The following PEX5L variants were observed in gnomAD, a reference collection of about 807,000 sequenced individuals.
PEX5L encodes the protein PEX5-related protein.
Under a neutral mutation model 84.0 loss-of-function variants are expected in PEX5L, and 30 were observed. The observed-to-expected ratio is 0.36, with a 90% CI of 0.27 to 0.48. The LOEUF is 0.48. Among genes scored for constraint, PEX5L ranks in the 20% least tolerant of loss-of-function variants. PEX5L has a pLI of 0.99. For synonymous variants in PEX5L, 270 were observed against 283.1 expected, an observed-to-expected ratio of 0.95 and a Z score of 0.46; for missense variants, 533 against 754.6, an observed-to-expected ratio of 0.71 and a Z score of 3.44.
intron 2 of PEX5L, among the ~76,000 whole-genome samples, chr3:179,941,366 C>T (rs763621295): frequency 7.2e-5 from 11 of 152,260 alleles, no homozygotes; most frequent in African/African-American, 1.9e-4. Flanking sequence ...AAATTCTCTA[C>T]GAGGTACTTC....
rs1718185525 is a variant in PEX5L, at chr3:179,799,351, T to G, written c.*2477A>C. The G allele has an allele frequency of 6.6e-6, 1 of 152,216 alleles. No individual in the cohort carries two copies. The highest frequency in any genetic ancestry group is 6.5e-5 in the Admixed American group (1 of 15,278). 9.4% of individuals were successfully genotyped at this position (152,216 alleles called of 1,614,324 possible). ...TAAAAATCTTAGATCTGACAGATAC[T>G]ACATACACTAGAGAAAGTACTACTA... On this transcript the variant is annotated 3_prime_UTR_variant, in exon 15 of 15. Transcript: ENST00000467460.
At chr3:179,807,584 G>T in intron 14 of PEX5L, 90 bp downstream of exon 14, 1 of 1,240,112 alleles carries the variant, frequency 8.1e-7, no homozygotes, top group Non-Finnish European at 1.1e-6. Context: ...TCCTACCAAG[G>T]CAGGCATTTT....
At chr3:180,014,281 G>A (rs1789738176) in intron 1 of PEX5L, among the ~76,000 whole-genome samples, 1 of 152,012 alleles carries the variant, frequency 6.6e-6, no homozygotes, top group Non-Finnish European at 1.5e-5. Flanking sequence ...GACCATCCTG[G>A]CTAACACGGT....
At chr3:180,024,929 T>A (rs138752307) in intron 1 of PEX5L, among the ~76,000 whole-genome samples, 1 of 152,170 alleles carries the variant, frequency 6.6e-6, no homozygotes, top group Non-Finnish European at 1.5e-5. Flanking sequence ...TTTAGAGGAA[T>A]GGCTTCTAAT....
chr3:179,862,494 G>A (rs1465411936), intron 7 of PEX5L, among the ~76,000 whole-genome samples: 2 of 152,152 alleles, frequency 1.3e-5, no homozygotes, highest in Admixed American at 6.6e-5. Flanking sequence ...AAAGTTAGCC[G>A]ATCTTGTATC....
intron 7 of PEX5L, 132 bp from the exon 8 acceptor site, chr3:179,859,289 G>T: frequency 1.5e-6 from 1 of 683,138 alleles, no homozygotes; most frequent in Non-Finnish European, 2.5e-6. Flanking sequence ...GACATTTTTG[G>T]AGTACTGTGC....
At position 179,916,419 on chromosome 3, in the gene PEX5L, T is replaced by C. The variant is rs147358789; in HGVS notation, c.94-18173A>G. ...ATGTAGAAAATGTAGAGTAAAAATA[T>C]AATATAAAAAATAAAAAAATGGTAT... On this transcript the variant is annotated intron_variant, in intron 2 of 14. Transcript: ENST00000467460. Among the ~76,000 whole-genome samples, 158 of 152,226 alleles carry C rather than the reference T, an allele frequency of 1.0e-3. 1 individual carries two copies. Among genetic ancestry groups the C allele is most frequent in the African/African-American group, 3.7e-3 (152 of 41,534 alleles).
At chr3:179,986,592 C>G (rs934419190) in intron 1 of PEX5L, among the ~76,000 whole-genome samples, 1 of 151,714 alleles carries the variant, frequency 6.6e-6, no homozygotes, top group Non-Finnish European at 1.5e-5. Context: ...TTAGTAGAGA[C>G]GGGGTTTCAC....
At chr3:179,808,460 G>T in intron 12 of PEX5L, 23 bp from the exon 13 acceptor site, 1 of 1,394,290 alleles carries the variant, frequency 7.2e-7, no homozygotes, top group African/African-American at 1.5e-5. Context: ...AAAAAAATTA[G>T]ATTTGTAATC....
At chr3:179,998,244 C>T (rs1352465785) in intron 1 of PEX5L, among the ~76,000 whole-genome samples, 2 of 152,166 alleles carry the variant, frequency 1.3e-5, no homozygotes, top group Admixed American at 1.3e-4. Context: ...GCTTAGTGGG[C>T]CTATCTGGAT....
In PEX5L at chr3:179,799,555, C is replaced by T. The variant is rs1347303354; in HGVS notation, c.*2273G>A. 1 of 152,220 alleles carries T rather than the reference C, an allele frequency of 6.6e-6. No homozygotes were observed. The highest frequency in any genetic ancestry group is 1.5e-5 in the Non-Finnish European group (1 of 68,028). 9.4% of individuals were successfully genotyped at this position (152,220 alleles called of 1,614,324 possible). On this transcript the variant is annotated 3_prime_UTR_variant, in exon 15 of 15. Coordinates refer to ENST00000467460, the MANE Select transcript of PEX5L (RefSeq NM_016559.3). ...ACTAGTTTCAGGCTTTAAATCCAGGCTGCAGATTCAGCTGCTGCTCAAAGT... is the reference window on the plus strand; with the variant it reads ...ACTAGTTTCAGGCTTTAAATCCAGGTTGCAGATTCAGCTGCTGCTCAAAGT...
intron 1 of PEX5L, chr3:179,974,199 A>G (rs1193256240): frequency 3.0e-6 from 3 of 985,364 alleles, no homozygotes; most frequent in East Asian, 2.3e-4. Flanking sequence ...GTGGTCTTTC[A>G]CAGTAGCCAA....
intron 2 of PEX5L, among the ~76,000 whole-genome samples, chr3:179,932,826 TTA>T (rs1465357405): frequency 5.3e-5 from 8 of 152,208 alleles, no homozygotes; most frequent in African/African-American, 1.9e-4. Context: ...ATTAAGTTAG[TTA>T]ACATATGCAT....
chr3:179,853,268 G>A (rs1424647986), intron 8 of PEX5L, among the ~76,000 whole-genome samples: 1 of 152,234 alleles, frequency 6.6e-6, no homozygotes, highest in African/African-American at 2.4e-5. Flanking sequence ...GCTAAGGCAT[G>A]TCTGATGAAT....
chr3:179,850,583 T>C (rs1000699319), intron 8 of PEX5L, among the ~76,000 whole-genome samples: 4 of 152,214 alleles, frequency 2.6e-5, no homozygotes, highest in African/African-American at 9.6e-5. Context: ...AAAGGGAGTT[T>C]TGCCATTTTC....
chr3:179,911,817 T>C (rs1208628798), intron 2 of PEX5L, among the ~76,000 whole-genome samples: 1 of 152,150 alleles, frequency 6.6e-6, no homozygotes, highest in Non-Finnish European at 1.5e-5. Context: ...TTGACAAATA[T>C]AGAACCATGT....
intron 8 of PEX5L, among the ~76,000 whole-genome samples, chr3:179,825,783 TAA>T: frequency 6.6e-6 from 1 of 152,332 alleles, no homozygotes; most frequent in Middle Eastern, 3.4e-3. Flanking sequence ...AAAAATCTCT[TAA>T]GAGTAAGCGT....
chr3:179,931,706 C>T lies in PEX5L; in HGVS notation c.94-33460G>A, dbSNP rs780595599. On this transcript the variant is annotated intron_variant, in intron 2 of 14. Transcript: ENST00000467460. ...TTTCCAAGCTTACAAATGAAAAATT[C>T]ATTGGATACAGCACAGCCCAATTAA... is the stretch of plus-strand genomic sequence containing the variant. Among the ~76,000 whole-genome samples the T allele has an allele frequency of 1.2e-4, 19 of 152,208 alleles. No homozygotes were observed. The Middle Eastern group carries it at 0.014, about 109-fold the overall frequency.
chr3:179,978,660 T>A (rs2110316995), intron 1 of PEX5L, among the ~76,000 whole-genome samples: 1 of 152,344 alleles, frequency 6.6e-6, no homozygotes, highest in South Asian at 2.1e-4. Flanking sequence ...AAAGTAAGAC[T>A]ATTGTTTCAA....
Sources: gnomAD v4.1 joint callset for allele counts (sites outside exome capture counted in the v4.1 genomes callset) on GRCh38, gnomAD v4.1.1 for gene constraint, MANE v1.5 for transcripts, NCBI Gene and HGNC (gene_info 2026-07-23, HGNC 2026-07-21) for gene names.